Variants in PTGR2 observed in about 807,000 individuals in gnomAD.
PTGR2 encodes prostaglandin reductase 2.
PTGR2 carries 32 observed loss-of-function variants against 43.4 expected under a neutral mutation model. The ratio of observed to expected loss-of-function variants is 0.74; its 90% CI spans 0.56 to 0.99. The LOEUF is 0.99. PTGR2 is among the 50% of genes least tolerant of loss of function. The pLI is 0.00. For missense variants in PTGR2, 373 were observed against 420.0 expected (o/e 0.89, Z 0.98); for synonymous variants, 106 against 139.2 (o/e 0.76, Z 1.68).
intron 3 of PTGR2, among the ~76,000 whole-genome samples, chr14:73,867,016 G>A (rs1294779351): frequency 6.7e-6 from 1 of 148,924 alleles, no homozygotes; most frequent in Non-Finnish European, 1.5e-5. Flanking sequence ...TTGAACCCGG[G>A]AGGCGGAGAT....
chr14:73,855,927 G>A (rs1396314827), intron 1 of PTGR2, among the ~76,000 whole-genome samples: 2 of 151,000 alleles, frequency 1.3e-5, no homozygotes, highest in Non-Finnish European at 3.0e-5. Flanking sequence ...ATGGTGGCAC[G>A]CACCTGTAAT....
Position 73,881,207 on chromosome 14 carries a change from A to T in PTGR2, c.854A>T (p.Glu285Val). Residue 285 changes from glutamate (E) to valine (V), a missense_variant and splice_region_variant, in exon 8 of 10, where the codon GAA becomes GTA. Physicochemically the swap from Glu to Val is moderately radical, Grantham distance 121 (BLOSUM62 -2). Coordinates refer to ENST00000555661, the MANE Select transcript of PTGR2 (RefSeq NM_001146154.2). ...TATCCTTTTCTTCCTCACTGCAGGG[A>T]AAGATTTCTGGTATTAAATTATAAA... is the stretch of plus-strand genomic sequence containing the variant. ...AIQKERNITR[E>V]RFLVLNYKDK... is the part of the protein sequence containing the mutation. The T allele has an allele frequency of 6.3e-7, 1 of 1,592,298 alleles. No individual in the cohort carries two copies. Among genetic ancestry groups the T allele is most frequent in the Non-Finnish European group, 8.6e-7 (1 of 1,160,436 alleles).
At chr14:73,866,011 T>C (rs1224401773) in intron 3 of PTGR2, among the ~76,000 whole-genome samples, 2 of 152,030 alleles carry the variant, frequency 1.3e-5, no homozygotes, top group African/African-American at 4.8e-5. Flanking sequence ...GTTTTTCTTT[T>C]TTTTTTTTTG....
chr14:73,863,323 T>G (rs1332557275), intron 3 of PTGR2, among the ~76,000 whole-genome samples: 2 of 152,060 alleles, frequency 1.3e-5, no homozygotes, highest in Non-Finnish European at 2.9e-5. Flanking sequence ...TTTGTTGTTT[T>G]TAAGAGACAG....
intron 3 of PTGR2, among the ~76,000 whole-genome samples, chr14:73,863,164 G>C (rs543006312): frequency 9.9e-5 from 15 of 152,196 alleles, no homozygotes; most frequent in African/African-American, 3.6e-4. Context: ...AAGAAACCCT[G>C]AACCTATGGT....
chr14:73,870,557 A>G (rs1377429396), intron 3 of PTGR2, among the ~76,000 whole-genome samples: 1 of 152,074 alleles, frequency 6.6e-6, no homozygotes, highest in African/African-American at 2.4e-5. Context: ...CCAAATTCAC[A>G]ACTAAAATTA....
chr14:73,858,662 T>A (rs2054418184), intron 1 of PTGR2, 154 bp from the exon 2 acceptor site: 1 of 415,638 alleles, frequency 2.4e-6, no homozygotes, highest in East Asian at 3.6e-5. Context: ...ATATATTTGC[T>A]TTAGGAGGCA....
chr14:73,852,766 GAGACCAGAAAACCGGAAGGGGAGGAGA>G (rs531539805), intron 1 of PTGR2, among the ~76,000 whole-genome samples: 28 of 152,262 alleles, frequency 1.8e-4, no homozygotes, highest in African/African-American at 6.5e-4. Flanking sequence ...GGGGAAGGGG[GAGACCAGAAAACCGGAAGGGGAGGAGA>G]AGACTGGCAG....
intron 8 of PTGR2, among the ~76,000 whole-genome samples, chr14:73,881,667 A>G (rs576134836): frequency 6.6e-6 from 1 of 151,590 alleles, no homozygotes; most frequent in South Asian, 2.1e-4. Flanking sequence ...TTATACCACC[A>G]TACTTCTTCC....
intron 3 of PTGR2, among the ~76,000 whole-genome samples, chr14:73,872,829 T>G (rs1031355924): frequency 1.0e-4 from 15 of 150,418 alleles, no homozygotes; most frequent in Non-Finnish European, 2.1e-4. Flanking sequence ...ATACAAAAAT[T>G]AGCCGGGTGT....
intron 9 of PTGR2, among the ~76,000 whole-genome samples, chr14:73,882,746 T>C (rs1343344103): frequency 2.1e-5 from 3 of 145,540 alleles, no homozygotes; most frequent in Non-Finnish European, 4.5e-5. Context: ...GTGATCTGCC[T>C]GCCTTGGCCT....
Position 73,880,128 on chromosome 14 carries a change from C to T in PTGR2, c.803C>T (p.Pro268Leu), listed in dbSNP as rs777843481. The stretch of plus-strand genomic sequence containing the variant: ...AACAAAGATGTGCCTTATCCTCCCC[C>T]GCTATCCCCTGCTATAGAGGCAATC... ...QYNKDVPYPPPLSPAIEAIQK... is the reference protein window; with the variant it reads ...QYNKDVPYPPLLSPAIEAIQK... The change falls in exon 7 of 10, where the codon CCG becomes CTG. Residue 268 changes from proline (P) to leucine (L), a missense_variant. Transcript: ENST00000555661. 1.7e-5 allele frequency: 28 copies of T among 1,613,822 alleles called. No individual in the cohort carries two copies. The highest frequency in any genetic ancestry group is 4.0e-5 in the African/African-American group (3 of 74,900).
rs75892130 is a variant in PTGR2, at chr14:73,874,224, A to G, written c.348+10A>G. The G allele has an allele frequency of 0.075, 118,398 of 1,578,128 alleles. 5,016 individuals are homozygous for G. Among genetic ancestry groups the G allele is most frequent in the Non-Finnish European group, 0.085 (97,934 of 1,157,346 alleles). On this transcript the variant is annotated intron_variant, in intron 4 of 9. Coordinates refer to ENST00000555661, the MANE Select transcript of PTGR2 (RefSeq NM_001146154.2). ...AAATAGCCTTGAAAAGGTGATATAT[A>G]TATGAACATATCTGATTTTTTTTCC...
intron 1 of PTGR2, chr14:73,852,212 C>T (rs1216697696): frequency 6.6e-6 from 1 of 152,112 alleles, no homozygotes; most frequent in Non-Finnish European, 1.5e-5. Context: ...TCATTTAACA[C>T]AGATTTGTTG....
chr14:73,882,154 T>C (rs1322893458), intron 8 of PTGR2, among the ~76,000 whole-genome samples: 1 of 152,156 alleles, frequency 6.6e-6, no homozygotes. Context: ...TACTGTTCTT[T>C]TTCTGTTTTA....
rs564369110 is a variant in PTGR2, at chr14:73,882,659, C to T, written c.979+221C>T. Among the ~76,000 whole-genome samples, 5 of 152,102 alleles carry T rather than the reference C, an allele frequency of 3.3e-5. No homozygotes were observed. In the East Asian group the frequency reaches 9.7e-4, roughly 29 times the overall value. ...GGGACTACAGGCGCCTGCCACCACGCCTGGCTAATTTTTTGTATTTTTAGT... is the reference window on the plus strand; with the variant it reads ...GGGACTACAGGCGCCTGCCACCACGTCTGGCTAATTTTTTGTATTTTTAGT... On this transcript the variant is annotated intron_variant, in intron 9 of 9. Transcript: ENST00000555661.
chr14:73,879,143 A>C lies in PTGR2; in HGVS notation c.567A>C (p.Thr189=). 3.7e-6 allele frequency: 6 copies of C among 1,614,188 alleles called. No individual in the cohort carries two copies. Among genetic ancestry groups the C allele is most frequent in the Non-Finnish European group, 5.1e-6 (6 of 1,180,026 alleles). The part of the protein sequence containing the change: ...GCSRVVGICG[T]HEKCILLTSE... ...CCAGAGTGGTGGGAATTTGTGGAAC[A>C]CATGAGAAATGCATCCTCTTGACCT... Residue 189 remains threonine, a synonymous_variant, in exon 6 of 10, where the codon ACA becomes ACC. Coordinates refer to ENST00000555661, the MANE Select transcript of PTGR2 (RefSeq NM_001146154.2).
intron 4 of PTGR2, among the ~76,000 whole-genome samples, 181 bp downstream of exon 4, chr14:73,874,395 A>G (rs1416131172): frequency 6.6e-6 from 1 of 151,992 alleles, no homozygotes; most frequent in Non-Finnish European, 1.5e-5. Context: ...GGAAGTTTAA[A>G]TTGTCCTTCT....
Position 73,880,045 on chromosome 14 carries a change from C to G in PTGR2, c.730-10C>G. The G allele has an allele frequency of 6.2e-7, 1 of 1,613,120 alleles. No homozygotes were observed. Among genetic ancestry groups the G allele is most frequent in the Non-Finnish European group, 8.5e-7 (1 of 1,179,308 alleles). On this transcript the variant is annotated splice_polypyrimidine_tract_variant and intron_variant, in intron 6 of 9. Transcript: ENST00000555661. ...AAAGGGATATTTTATCATTATTTTT[C>G]TCTGTGCAGATGAATGAGAACAGCC...
Sources: allele counts gnomAD v4.1 joint callset (sites outside exome capture counted in the v4.1 genomes callset), GRCh38; gene constraint gnomAD v4.1.1; transcripts MANE v1.5; gene names NCBI Gene and HGNC (gene_info 2026-07-23, HGNC 2026-07-21).